MACF1: variants seen among roughly 807,000 people sequenced by gnomAD.
The protein encoded by MACF1 is microtubule-actin cross-linking factor 1.
In MACF1, 193 loss-of-function variants were observed where a neutral mutation model predicts 854.8. The observed-to-expected ratio is 0.23, with a 90% CI of 0.20 to 0.25. The LOEUF (loss-of-function observed/expected upper bound fraction) is 0.25, where lower values mean the gene tolerates loss of function less well. MACF1 is among the 10% of genes least tolerant of loss of function. The pLI is 1.00. For missense variants in MACF1, 7,722 were observed against 8,929.1 expected, an observed-to-expected ratio of 0.86 and a Z score of 5.45; for synonymous variants, 3,185 against 3,226.7, an observed-to-expected ratio of 0.99 and a Z score of 0.44.
upstream of MACF1, among the ~76,000 whole-genome samples, chr1:39,200,255 C>G (rs1037765288): frequency 3.3e-5 from 5 of 152,230 alleles, no homozygotes; most frequent in African/African-American, 1.2e-4. Flanking sequence ...GGGTCTCCCT[C>G]TAATCCACTG....
chr1:39,186,335 C>T (rs1045773424), intron 2 of MACF1, among the ~76,000 whole-genome samples: 1 of 150,314 alleles, frequency 6.7e-6, no homozygotes, highest in African/African-American at 2.5e-5. Flanking sequence ...GTGGCATGCT[C>T]GGCTCACTGC....
chr1:39,309,502 C>T, intron 23 of MACF1, 68 bp from the exon 24 acceptor site: 1 of 1,582,468 alleles, frequency 6.3e-7, no homozygotes, highest in Non-Finnish European at 8.6e-7. Context: ...CACATTTTTC[C>T]TTAGAAGGTC....
chr1:39,471,767 C>T (rs1177432645), intron 97 of MACF1, among the ~76,000 whole-genome samples: 1 of 151,996 alleles, frequency 6.6e-6, no homozygotes, highest in Non-Finnish European at 1.5e-5. Flanking sequence ...GATAAGTGAA[C>T]ATCTAGGAAA....
At position 39,108,904 on chromosome 1, in the gene MACF1, T is replaced by C. The variant is rs184490703; in HGVS notation, c.220+24466T>C. 4.3e-4 allele frequency among the ~76,000 whole-genome samples: 66 copies of C among 152,334 alleles called. 1 individual carries two copies. The highest frequency in any genetic ancestry group is 1.5e-3 in the African/African-American group (61 of 41,582). ...ATTGGTAACATCTATCTGGTACTTA[T>C]GAAATTCAGAATTGTCACTAAGTGT... On this transcript the variant is annotated intron_variant, in intron 2 of 93. Transcript: ENST00000361689.
chr1:39,422,319 T>C, intron 58 of MACF1, 55 bp from the exon 59 acceptor site: 1 of 1,428,678 alleles, frequency 7.0e-7, no homozygotes, highest in Non-Finnish European at 9.8e-7. Flanking sequence ...CTCTGCGTGG[T>C]ATAGAGAGTC....
intron 58 of MACF1, chr1:39,413,005 G>C: frequency 1.9e-6 from 3 of 1,583,570 alleles, no homozygotes. Context: ...AGCTGTTACA[G>C]TATCTGTCCC....
intron 2 of MACF1, among the ~76,000 whole-genome samples, chr1:39,101,052 T>C (rs918689583): frequency 2.0e-5 from 3 of 151,320 alleles, no homozygotes; most frequent in African/African-American, 4.9e-5. Context: ...TGAGCCACCA[T>C]GCATAGCATT....
chr1:39,322,681 G>T lies in MACF1; in HGVS notation c.4103G>T (p.Arg1368Leu), dbSNP rs200487900. 27 of 1,613,954 alleles carry T rather than the reference G, an allele frequency of 1.7e-5. No individual in the cohort carries two copies. Among genetic ancestry groups the T allele is most frequent in the Non-Finnish European group, 2.2e-5 (26 of 1,180,006 alleles). The change falls in exon 32 of 101, where the codon CGC becomes CTC. Residue 1368 changes from arginine (R) to leucine (L), a missense_variant. Arg to Leu is a moderately radical substitution (Grantham distance 102, BLOSUM62 -2). Transcript: ENST00000564288. ...CAGAAATCCCCTGGCAAGCGCCGTCGCATGCTTTCCTCTTCAGATGCCATC... is the reference window on the plus strand; with the variant it reads ...CAGAAATCCCCTGGCAAGCGCCGTCTCATGCTTTCCTCTTCAGATGCCATC... ...SQQKSPGKRRRMLSSSDAITQ... is the reference protein window; with the variant it reads ...SQQKSPGKRRLMLSSSDAITQ...
upstream of MACF1, among the ~76,000 whole-genome samples, chr1:39,202,070 C>T (rs1644397243): frequency 7.6e-6 from 1 of 132,092 alleles, no homozygotes; most frequent in Admixed American, 8.9e-5. Flanking sequence ...GGGTTCAAAC[C>T]ATTCTCCTGC....
At position 39,453,694 on chromosome 1, in the gene MACF1, C is replaced by CT. The variant is rs1644383044; in HGVS notation, c.20743-7dup. ...ACTTTTTACGTTTTTGTTTTCAAAT[C>CT]TTTTTTGTTTAGGAATTCATGAAGA... On this transcript the variant is annotated splice_polypyrimidine_tract_variant and intron_variant, in intron 87 of 100. Coordinates refer to ENST00000564288, the MANE Select transcript of MACF1 (RefSeq NM_001394062.1). The CT allele has an allele frequency of 6.2e-7, 1 of 1,613,142 alleles. No homozygotes were observed. Among genetic ancestry groups the CT allele is most frequent in the Non-Finnish European group, 8.5e-7 (1 of 1,179,282 alleles).
At chr1:39,263,854 A>G (rs1410786027) in intron 6 of MACF1, among the ~76,000 whole-genome samples, 3 of 137,648 alleles carry the variant, frequency 2.2e-5, no homozygotes, top group Non-Finnish European at 3.0e-5. Context: ...GCTCACTGCA[A>G]GCTCCACCTC....
chr1:39,378,107 T>C (rs887540922), intron 52 of MACF1, among the ~76,000 whole-genome samples: 1 of 152,212 alleles, frequency 6.6e-6, no homozygotes, highest in African/African-American at 2.4e-5. Context: ...CTGGCTTTAT[T>C]ATAAAAGCTT....
In MACF1 at chr1:39,426,779, G is replaced by T. The variant is rs922175264; in HGVS notation, c.16317-676G>T. On this transcript the variant is annotated intron_variant, in intron 61 of 100. Coordinates refer to ENST00000564288, the MANE Select transcript of MACF1 (RefSeq NM_001394062.1). ...AGTTTTTTTTGTTTGGTTTTTTTTT[G>T]GGGGGGGTGCTTTTTGTGTTGGCAA... Among the ~76,000 whole-genome samples, 10 of 147,950 alleles carry T rather than the reference G, an allele frequency of 6.8e-5. No individual in the cohort carries two copies. The East Asian group carries it at 1.1e-3, about 16-fold the overall frequency.
chr1:39,422,325 G>C (rs369182037), intron 58 of MACF1, 49 bp from the exon 59 acceptor site: 4 of 1,498,644 alleles, frequency 2.7e-6, no homozygotes, highest in Non-Finnish European at 3.7e-6. Context: ...GTGGTATAGA[G>C]AGTCTAATAG....
intron 2 of MACF1, among the ~76,000 whole-genome samples, chr1:39,233,560 A>G (rs1644810604): frequency 6.6e-6 from 1 of 152,080 alleles, no homozygotes; most frequent in Admixed American, 6.6e-5. Context: ...GTCCATCTAT[A>G]GTTCAGTAAA....
At chr1:39,438,236 C>A in intron 71 of MACF1, among the ~76,000 whole-genome samples, 1 of 152,178 alleles carries the variant, frequency 6.6e-6, no homozygotes, top group East Asian at 1.9e-4. Flanking sequence ...ACAAAAGCTC[C>A]TTTAACCCCT....
rs370805398 is a variant in MACF1 at position 39,220,481 on chromosome 1, A to ATTTT, written c.110-10685_110-10682dup. ...AGCCACTGCTTCTGGCCTTTAATGA[A>ATTTT]TTTTTTTTTTTTTTTTTTTAAGACA... On this transcript the variant is annotated intron_variant, in intron 1 of 100. Coordinates refer to ENST00000564288, the MANE Select transcript of MACF1 (RefSeq NM_001394062.1). Among the ~76,000 whole-genome samples, 25 of 126,402 alleles carry ATTTT rather than the reference A, an allele frequency of 2.0e-4. 1 individual carries two copies. Among genetic ancestry groups the ATTTT allele is most frequent in the Middle Eastern group, 5.1e-3 (1 of 198 alleles). The allele number at this position is 126,402 out of a possible 152,430, so 82.9% of individuals were successfully genotyped here. A position where few individuals can be genotyped will look rare whatever the true frequency, so the allele number is the denominator to read the frequency against.
intron 1 of MACF1, among the ~76,000 whole-genome samples, chr1:39,224,189 C>A (rs549774876): frequency 1.3e-5 from 2 of 152,048 alleles, no homozygotes; most frequent in East Asian, 1.9e-4. Context: ...CCTACTCCCC[C>A]CCATACACAC....
At position 39,332,814 on chromosome 1, in the gene MACF1, A is replaced by G. The variant is rs1401210942; in HGVS notation, c.6226A>G (p.Asn2076Asp). ...TVETEDSSVE[N>D]PEQDLFVEQK... is the part of the protein sequence containing the mutation. The stretch of plus-strand genomic sequence containing the variant: ...AGAAACAGAAGATTCTTCTGTAGAG[A>G]ACCCTGAACAGGATCTGTTTGTAGA... The change falls in exon 37 of 101, where the codon AAC becomes GAC. Residue 2076 changes from asparagine to aspartate, a missense_variant. Transcript: ENST00000564288. 2 of 1,614,128 alleles carry G rather than the reference A, an allele frequency of 1.2e-6. No individual in the cohort carries two copies. The highest frequency in any genetic ancestry group is 2.2e-5 in the South Asian group (2 of 91,076).
Sources: allele counts gnomAD v4.1 joint callset (sites outside exome capture counted in the v4.1 genomes callset), GRCh38; gene constraint gnomAD v4.1.1; transcripts MANE v1.5; gene names NCBI Gene and HGNC (gene_info 2026-07-23, HGNC 2026-07-21).